The following RALYL variants were observed in gnomAD, a reference collection of about 807,000 sequenced individuals.
RALYL encodes RNA-binding Raly-like protein.
In RALYL, 29 loss-of-function variants were observed where a neutral mutation model predicts 35.1. That is an observed-to-expected ratio of 0.83 (90% CI 0.61 to 1.13). The LOEUF (loss-of-function observed/expected upper bound fraction) is 1.13. Ranked by LOEUF, RALYL falls within the 50% of genes most tolerant of loss-of-function variation. RALYL has a pLI of 0.00. For synonymous variants in RALYL, 120 were observed against 127.6 expected (o/e 0.94, Z 0.40); for missense variants, 359 against 360.4 (o/e 1.00, Z 0.03).
chr8:84,817,562 TTAA>T (rs1456247032), intron 4 of RALYL, among the ~76,000 whole-genome samples: 1 of 149,764 alleles, frequency 6.7e-6, no homozygotes, highest in Non-Finnish European at 1.5e-5. Context: ...ATTATTATTA[TTAA>T]TTTCTTTTGA....
At chr8:84,510,307 A>T (rs1319023096) in intron 1 of RALYL, among the ~76,000 whole-genome samples, 2 of 152,166 alleles carry the variant, frequency 1.3e-5, no homozygotes, top group East Asian at 3.8e-4. Context: ...TGTATTTTTA[A>T]TTTCAACTCC....
intron 2 of RALYL, among the ~76,000 whole-genome samples, chr8:84,753,678 C>T (rs954562195): frequency 1.3e-5 from 2 of 152,114 alleles, no homozygotes; most frequent in Non-Finnish European, 2.9e-5. Context: ...ACCCTTTCTC[C>T]TATTCCAGCC....
At chr8:84,464,004 G>T (rs2051168742) in intron 1 of RALYL, among the ~76,000 whole-genome samples, 1 of 151,848 alleles carries the variant, frequency 6.6e-6, no homozygotes, top group Admixed American at 6.6e-5. Flanking sequence ...TCCTTCACTT[G>T]TCATAATTCT....
At chr8:84,775,974 T>A (rs1231992753) in intron 3 of RALYL, among the ~76,000 whole-genome samples, 1 of 152,206 alleles carries the variant, frequency 6.6e-6, no homozygotes, top group East Asian at 1.9e-4. Flanking sequence ...GTCATCCTAT[T>A]TATTTGGTTT....
intron 1 of RALYL, among the ~76,000 whole-genome samples, chr8:84,468,189 A>G (rs2052031616): frequency 1.3e-5 from 2 of 151,730 alleles, no homozygotes; most frequent in Admixed American, 1.3e-4. Context: ...TGTCATTATG[A>G]TTATAGCTGG....
chr8:84,741,059 G>C (rs1004833286), intron 2 of RALYL, among the ~76,000 whole-genome samples: 1 of 151,986 alleles, frequency 6.6e-6, no homozygotes, highest in African/African-American at 2.4e-5. Flanking sequence ...CAGAAGAAAA[G>C]GAGTTATGGT....
At chr8:84,480,751 A>G (rs2053958640) in intron 1 of RALYL, among the ~76,000 whole-genome samples, 1 of 152,172 alleles carries the variant, frequency 6.6e-6, no homozygotes, top group Non-Finnish European at 1.5e-5. Context: ...GTGATAGCAG[A>G]GATGACTTTT....
intron 2 of RALYL, among the ~76,000 whole-genome samples, chr8:84,650,390 C>T (rs1431478651): frequency 2.0e-5 from 3 of 152,008 alleles, no homozygotes; most frequent in East Asian, 1.9e-4. Flanking sequence ...AAACAAACAA[C>T]CCCATCAAAA....
At chr8:84,601,219 A>T (rs934414819) in intron 2 of RALYL, among the ~76,000 whole-genome samples, 7 of 152,122 alleles carry the variant, frequency 4.6e-5, no homozygotes, top group Non-Finnish European at 1.0e-4. Context: ...ATTTAATCTT[A>T]TAACAAGTTA....
intron 2 of RALYL, among the ~76,000 whole-genome samples, chr8:84,765,772 A>G (rs1813783271): frequency 1.3e-5 from 2 of 152,044 alleles, no homozygotes; most frequent in African/African-American, 4.8e-5. Flanking sequence ...AAGAGACAGA[A>G]TGACTTTTCC....
intron 2 of RALYL, among the ~76,000 whole-genome samples, chr8:84,680,127 T>A (rs1835099854): frequency 6.6e-6 from 1 of 152,180 alleles, no homozygotes; most frequent in Non-Finnish European, 1.5e-5. Context: ...TGCGATAGTT[T>A]GCTGAGAATG....
intron 2 of RALYL, among the ~76,000 whole-genome samples, chr8:84,740,611 A>G (rs770347962): frequency 6.6e-6 from 1 of 152,048 alleles, no homozygotes; most frequent in Non-Finnish European, 1.5e-5. Context: ...TGTTCAGCAG[A>G]TTACTAGAAC....
At chr8:84,800,145 T>C (rs1234869516) in intron 3 of RALYL, among the ~76,000 whole-genome samples, 1 of 152,144 alleles carries the variant, frequency 6.6e-6, no homozygotes, top group Non-Finnish European at 1.5e-5. Context: ...GCTTTCTCAA[T>C]AGAGCATAGA....
chr8:84,421,959 A>C (rs2132415631), intron 1 of RALYL, among the ~76,000 whole-genome samples: 1 of 152,192 alleles, frequency 6.6e-6, no homozygotes, highest in South Asian at 2.1e-4. Context: ...CCAGTATTTT[A>C]TTGAGGATTT....
intron 5 of RALYL, among the ~76,000 whole-genome samples, chr8:84,854,890 G>A (rs1270518513): frequency 6.6e-6 from 1 of 152,182 alleles, no homozygotes; most frequent in Non-Finnish European, 1.5e-5. Context: ...AGTCCACAAG[G>A]AGAACCTGTG....
Position 84,252,061 on chromosome 8 carries a change from C to A in RALYL, c.-24+67637C>A, listed in dbSNP as rs576273532. Among the ~76,000 whole-genome samples the A allele has an allele frequency of 9.9e-5, 15 of 152,142 alleles. No homozygotes were observed. In the South Asian group the frequency reaches 3.1e-3, roughly 32 times the overall value. On this transcript the variant is annotated intron_variant, in intron 1 of 8. Coordinates refer to ENST00000521268, the MANE Select transcript of RALYL (RefSeq NM_173848.7). Reference sequence around the variant, plus strand: ...CTCTTTACTTCCCCTATGCCCTTAACTCACTTGTTTCACAGGTTTTGTTGA... The same window carrying A: ...CTCTTTACTTCCCCTATGCCCTTAAATCACTTGTTTCACAGGTTTTGTTGA...
chr8:84,422,017 G>T (rs2045686700), intron 1 of RALYL, among the ~76,000 whole-genome samples: 2 of 152,016 alleles, frequency 1.3e-5, no homozygotes, highest in Admixed American at 6.6e-5. Context: ...CTCTTTTTTG[G>T]TTGTGTCTCT....
intron 4 of RALYL, among the ~76,000 whole-genome samples, chr8:84,818,020 A>G (rs753656974): frequency 3.3e-5 from 5 of 152,228 alleles, no homozygotes; most frequent in Non-Finnish European, 5.9e-5. Context: ...ATTGAATCCA[A>G]AGGACTGAAT....
At chr8:84,686,605 A>C (rs1836853331) in intron 2 of RALYL, among the ~76,000 whole-genome samples, 1 of 151,946 alleles carries the variant, frequency 6.6e-6, no homozygotes, top group African/African-American at 2.4e-5. Flanking sequence ...GGGTTTCACC[A>C]TGTTGGCCAG....
Sources: allele counts gnomAD v4.1 joint callset (sites outside exome capture counted in the v4.1 genomes callset), GRCh38; gene constraint gnomAD v4.1.1; transcripts MANE v1.5; gene names NCBI Gene and HGNC (gene_info 2026-07-23, HGNC 2026-07-21).